WASL: variants seen among roughly 807,000 people sequenced by gnomAD.
WASL encodes the protein WASP like actin nucleation promoting factor, also known as actin nucleation-promoting factor WASL.
In WASL, 20 loss-of-function variants were observed where a neutral mutation model predicts 55.5. The ratio of observed to expected loss-of-function variants is 0.36; its 90% CI spans 0.25 to 0.52. WASL has a LOEUF of 0.52. WASL is among the 20% of genes least tolerant of loss of function. WASL has a pLI of 0.92. For missense variants in WASL, 504 were observed against 622.5 expected, an observed-to-expected ratio of 0.81 and a Z score of 2.03; for synonymous variants, 249 against 217.6, an observed-to-expected ratio of 1.14 and a Z score of -1.27.
intron 5 of WASL, among the ~76,000 whole-genome samples, chr7:123,701,765 T>C (rs983875312): frequency 8.5e-5 from 13 of 152,192 alleles, no homozygotes. Context: ...TGGTCTCCAC[T>C]TAGTGGGGAA....
chr7:123,724,383 A>T (rs1368049954), intron 1 of WASL, among the ~76,000 whole-genome samples: 13 of 152,182 alleles, frequency 8.5e-5, no homozygotes, highest in Non-Finnish European at 2.9e-5. Flanking sequence ...CAAACTCCAT[A>T]TATGTAGAGT....
chr7:123,725,120 G>C (rs903486705), intron 1 of WASL, among the ~76,000 whole-genome samples: 1 of 152,172 alleles, frequency 6.6e-6, no homozygotes, highest in African/African-American at 2.4e-5. Flanking sequence ...AGTACAACAA[G>C]GCTGTAAGTC....
intron 1 of WASL, among the ~76,000 whole-genome samples, chr7:123,714,983 T>C (rs1025521819): frequency 1.3e-5 from 2 of 151,472 alleles, no homozygotes; most frequent in East Asian, 1.9e-4. Context: ...CTGTGTGGAG[T>C]AGGAAATAAG....
chr7:123,687,010 G>GT (rs773402524), intron 10 of WASL, among the ~76,000 whole-genome samples: 44 of 151,964 alleles, frequency 2.9e-4, no homozygotes, highest in Non-Finnish European at 4.6e-4. Flanking sequence ...GAATTAATAG[G>GT]TATCTCAAAT....
chr7:123,732,945 T>C (rs1467607463), intron 1 of WASL, among the ~76,000 whole-genome samples: 2 of 152,102 alleles, frequency 1.3e-5, no homozygotes, highest in East Asian at 3.9e-4. Context: ...AATGATCATA[T>C]GAACAGATAC....
At chr7:123,715,614 T>C (rs1803829176) in intron 1 of WASL, among the ~76,000 whole-genome samples, 1 of 152,220 alleles carries the variant, frequency 6.6e-6, no homozygotes, top group African/African-American at 2.4e-5. Context: ...ATAAAAGTTT[T>C]AGACCTCACC....
intron 1 of WASL, among the ~76,000 whole-genome samples, chr7:123,737,366 G>A (rs1804252323): frequency 1.3e-5 from 2 of 152,092 alleles, no homozygotes; most frequent in Non-Finnish European, 2.9e-5. Flanking sequence ...GGGAGGCTAA[G>A]GTGGGCAGAT....
intron 6 of WASL, 137 bp downstream of exon 6, chr7:123,696,442 A>T: frequency 1.4e-6 from 1 of 720,122 alleles, no homozygotes; most frequent in Non-Finnish European, 2.0e-6. Flanking sequence ...AATAAAGTAC[A>T]TAGTTAAAAC....
At chr7:123,696,802 C>T (rs1353608028) in intron 5 of WASL, 55 bp from the exon 6 acceptor site, 5 of 1,179,380 alleles carry the variant, frequency 4.2e-6, no homozygotes, top group Non-Finnish European at 5.6e-6. Context: ...AACTGATATA[C>T]AATCATAATT....
At chr7:123,741,690 T>G (rs930724619) in intron 1 of WASL, among the ~76,000 whole-genome samples, 3 of 152,164 alleles carry the variant, frequency 2.0e-5, no homozygotes, top group Non-Finnish European at 1.5e-5. Flanking sequence ...TGGACAAAAG[T>G]GAAATACATG....
At chr7:123,728,649 G>A (rs1171448154) in intron 1 of WASL, among the ~76,000 whole-genome samples, 2 of 152,148 alleles carry the variant, frequency 1.3e-5, no homozygotes, top group African/African-American at 4.8e-5. Flanking sequence ...AGACCAGCCT[G>A]TCCAACACAG....
At chr7:123,721,970 C>T (rs1803955815) in intron 1 of WASL, among the ~76,000 whole-genome samples, 1 of 151,894 alleles carries the variant, frequency 6.6e-6, no homozygotes, top group African/African-American at 2.4e-5. Context: ...TGTTACTGTC[C>T]TCTCTAGGTA....
rs116589815 is a variant in WASL at position 123,725,652 on chromosome 7, C to T, written c.118-16429G>A. On this transcript the variant is annotated intron_variant, in intron 1 of 10. Transcript: ENST00000223023. ...TTGTATTTTCTTATTTAATATCAATCCTAGAAGGAACTAAGTTCATACATG... is the reference window on the plus strand; with the variant it reads ...TTGTATTTTCTTATTTAATATCAATTCTAGAAGGAACTAAGTTCATACATG... 5.4e-3 allele frequency among the ~76,000 whole-genome samples: 823 copies of T among 152,060 alleles called. 10 individuals carry two copies. The highest frequency in any genetic ancestry group is 0.019 in the African/African-American group (790 of 41,460).
chr7:123,709,286 G>A lies in WASL; in HGVS notation c.118-63C>T, dbSNP rs1411109292. On this transcript the variant is annotated intron_variant, in intron 1 of 10. Coordinates refer to ENST00000223023, the MANE Select transcript of WASL (RefSeq NM_003941.4). ...TAATATGTAGATGATCATAGCCCCT[G>A]CTGACAGCTTGACCGCAACCACCCA... is the stretch of plus-strand genomic sequence containing the variant. 9.1e-6 allele frequency: 13 copies of A among 1,430,316 alleles called. No homozygotes were observed. The East Asian group carries it at 3.3e-4, about 36-fold the overall frequency. The allele number at this position is 1,430,316 out of a possible 1,614,324, so 88.6% of individuals were successfully genotyped here.
At chr7:123,704,375 T>C (rs1803635051) in intron 5 of WASL, among the ~76,000 whole-genome samples, 1 of 152,170 alleles carries the variant, frequency 6.6e-6, no homozygotes, top group African/African-American at 2.4e-5. Flanking sequence ...CCCTATGTAT[T>C]CTTTCTTCAT....
In WASL at chr7:123,704,676, G is replaced by A. The variant is rs556070171; in HGVS notation, c.437-19C>T. On this transcript the variant is annotated intron_variant, in intron 4 of 10. Transcript: ENST00000223023. Reference sequence around the variant, plus strand: ...CTTTTCTCTGTTAGAAAATAAATTAGAAGAATATTATTAAATATATGTAAG... The same window carrying A: ...CTTTTCTCTGTTAGAAAATAAATTAAAAGAATATTATTAAATATATGTAAG... The A allele has an allele frequency of 1.4e-6, 2 of 1,411,548 alleles. No homozygotes were observed. The highest frequency in any genetic ancestry group is 4.9e-5 in the East Asian group (2 of 40,488). The allele number at this position is 1,411,548 out of a possible 1,614,324, so 87.4% of individuals were successfully genotyped here.
chr7:123,715,206 G>T (rs1290001860), intron 1 of WASL, among the ~76,000 whole-genome samples: 1 of 152,130 alleles, frequency 6.6e-6, no homozygotes, highest in African/African-American at 2.4e-5. Context: ...TTGTCTATGT[G>T]ACTTGTTTTG....
At chr7:123,744,771 T>C (rs1226173350) in intron 1 of WASL, among the ~76,000 whole-genome samples, 2 of 152,292 alleles carry the variant, frequency 1.3e-5, no homozygotes, top group East Asian at 1.9e-4. Flanking sequence ...ATACTCTTTA[T>C]ATAAAATTAA....
intron 1 of WASL, among the ~76,000 whole-genome samples, chr7:123,724,019 C>G (rs943874556): frequency 6.6e-6 from 1 of 152,026 alleles, no homozygotes; most frequent in African/African-American, 2.4e-5. Flanking sequence ...AGTATATAAG[C>G]GAGATCTCAA....
Sources: gnomAD v4.1 joint callset for allele counts (sites outside exome capture counted in the v4.1 genomes callset) on GRCh38, gnomAD v4.1.1 for gene constraint, MANE v1.5 for transcripts, NCBI Gene and HGNC (gene_info 2026-07-23, HGNC 2026-07-21) for gene names.